GATB: variants seen among roughly 807,000 people sequenced by gnomAD.
GATB encodes glutamyl-tRNA amidotransferase subunit B.
A neutral mutation model predicts 62.3 loss-of-function variants in GATB; 39 were observed. The ratio of observed to expected loss-of-function variants is 0.63; its 90% CI spans 0.48 to 0.82. The LOEUF (loss-of-function observed/expected upper bound fraction) is 0.82. GATB is among the 40% of genes least tolerant of loss of function. GATB has a pLI of 0.00. For synonymous variants in GATB, 276 were observed against 258.9 expected, an observed-to-expected ratio of 1.07 and a Z score of -0.63; for missense variants, 670 against 684.0, an observed-to-expected ratio of 0.98 and a Z score of 0.23.
chr4:151,705,495 C>T (rs747599189), intron 6 of GATB, among the ~76,000 whole-genome samples: 7 of 152,180 alleles, frequency 4.6e-5, no homozygotes, highest in Non-Finnish European at 8.8e-5. Flanking sequence ...CGTGTTGAGA[C>T]AATTCAGGTT....
At chr4:151,741,426 T>C (rs1739482917) in intron 2 of GATB, among the ~76,000 whole-genome samples, 1 of 152,190 alleles carries the variant, frequency 6.6e-6, no homozygotes, top group African/African-American at 2.4e-5. Flanking sequence ...GGGCTTATTA[T>C]TTTGCTCCAT....
chr4:151,735,736 G>C (rs199692931), intron 2 of GATB, among the ~76,000 whole-genome samples: 1 of 104,064 alleles, frequency 9.6e-6, no homozygotes, highest in African/African-American at 4.3e-5. Flanking sequence ...AAACTGTGGT[G>C]TATATATATA....
intron 5 of GATB, among the ~76,000 whole-genome samples, 184 bp downstream of exon 5, chr4:151,715,825 A>G (rs909941935): frequency 6.6e-6 from 1 of 152,188 alleles, no homozygotes; most frequent in Admixed American, 6.5e-5. Context: ...AAAGAATCCA[A>G]GGAAAATTCT....
intron 2 of GATB, among the ~76,000 whole-genome samples, chr4:151,750,641 A>G (rs1052860835): frequency 6.6e-6 from 1 of 151,740 alleles, no homozygotes; most frequent in Non-Finnish European, 1.5e-5. Flanking sequence ...TTGCTGCTAC[A>G]TTATATTTTT....
At chr4:151,711,220 G>A (rs892364060) in intron 5 of GATB, among the ~76,000 whole-genome samples, 1 of 152,134 alleles carries the variant, frequency 6.6e-6, no homozygotes, top group Non-Finnish European at 1.5e-5. Flanking sequence ...TGGTCTCCTG[G>A]CTTCTACTCT....
At chr4:151,717,536 G>A (rs988395809) in intron 3 of GATB, among the ~76,000 whole-genome samples, 2 of 152,192 alleles carry the variant, frequency 1.3e-5, no homozygotes, top group African/African-American at 4.8e-5. Context: ...AACAGCAGTT[G>A]CTAGTGTGTG....
chr4:151,703,957 G>A (rs1553967531), intron 7 of GATB, 62 bp from the exon 8 acceptor site: 6 of 1,180,934 alleles, frequency 5.1e-6, no homozygotes, highest in Non-Finnish European at 7.5e-6. Context: ...CCTATATGTG[G>A]GGAAGGGCTC....
chr4:151,695,733 G>A (rs542571121), intron 9 of GATB, among the ~76,000 whole-genome samples: 6 of 152,102 alleles, frequency 3.9e-5, no homozygotes, highest in South Asian at 4.2e-4. Context: ...TCTGCCCTAC[G>A]TGGAGACACT....
At chr4:151,680,777 A>C (rs1738122802) in intron 10 of GATB, among the ~76,000 whole-genome samples, 2 of 152,194 alleles carry the variant, frequency 1.3e-5, no homozygotes, top group African/African-American at 4.8e-5. Context: ...CATTATACTT[A>C]CCAGTTTAGC....
chr4:151,745,022 G>A (rs537399269), intron 2 of GATB, among the ~76,000 whole-genome samples: 2 of 152,280 alleles, frequency 1.3e-5, no homozygotes, highest in South Asian at 4.2e-4. Context: ...AAAGCATGGA[G>A]GATAACTATA....
Position 151,708,042 on chromosome 4 carries a change from C to T in GATB, c.823G>A (p.Val275Ile), listed in dbSNP as rs201205798. ...TTGAGATTCTTCACTTCCGTTCGAA[C>T]GCCCAAAGGCTCCCCAGGGTGATGC... ...SVHHPGEPLG[V>I]RTEVKNLNSI... Residue 275 changes from valine (V) to isoleucine (I), a missense_variant, in exon 6 of 13, where the codon GTT becomes ATT. By Grantham distance (29) the Val-to-Ile change is conservative (BLOSUM62 3). Transcript: ENST00000263985. The T allele has an allele frequency of 3.9e-5, 63 of 1,614,152 alleles. 1 individual carries two copies. The highest frequency in any genetic ancestry group is 3.7e-4 in the African/African-American group (28 of 75,068).
intron 2 of GATB, among the ~76,000 whole-genome samples, chr4:151,750,860 C>T (rs1739708513): frequency 6.6e-6 from 1 of 151,540 alleles, no homozygotes; most frequent in South Asian, 2.1e-4. Context: ...TCTCCAACTC[C>T]TGGGCTCAAG....
At chr4:151,691,478 C>T (rs1324986110) in intron 9 of GATB, among the ~76,000 whole-genome samples, 2 of 152,160 alleles carry the variant, frequency 1.3e-5, no homozygotes, top group Admixed American at 1.3e-4. Flanking sequence ...GTGCTGGCTC[C>T]GCCTCTCAGA....
intron 2 of GATB, among the ~76,000 whole-genome samples, chr4:151,742,423 C>T (rs1739510946): frequency 6.6e-6 from 1 of 152,172 alleles, no homozygotes. Context: ...GCAAGGGGGC[C>T]AGAGAAAGGT....
intron 2 of GATB, among the ~76,000 whole-genome samples, chr4:151,746,182 GA>G (rs1739590527): frequency 1.3e-5 from 2 of 152,292 alleles, no homozygotes; most frequent in South Asian, 4.1e-4. Context: ...CATTTCCGAT[GA>G]CAAAAAGTGA....
At chr4:151,677,076 C>G (rs1738022871) in intron 11 of GATB, among the ~76,000 whole-genome samples, 1 of 152,146 alleles carries the variant, frequency 6.6e-6, no homozygotes, top group Non-Finnish European at 1.5e-5. Context: ...TCTTCCTTAT[C>G]CCCTGGTCAT....
At chr4:151,756,170 A>T (rs1739824730) in intron 2 of GATB, among the ~76,000 whole-genome samples, 1 of 152,226 alleles carries the variant, frequency 6.6e-6, no homozygotes, top group African/African-American at 2.4e-5. Flanking sequence ...AAGAGTTTCA[A>T]GTATCATCAT....
chr4:151,698,360 T>C (rs1289529241), intron 9 of GATB, among the ~76,000 whole-genome samples: 3 of 151,942 alleles, frequency 2.0e-5, no homozygotes, highest in African/African-American at 7.3e-5. Context: ...AATTCTGAAG[T>C]TTTTCGTCAT....
chr4:151,728,525 T>TA (rs1264383173), intron 2 of GATB, among the ~76,000 whole-genome samples: 1 of 152,132 alleles, frequency 6.6e-6, no homozygotes, highest in Non-Finnish European at 1.5e-5. Context: ...ATAACTTTTT[T>TA]AAAAAAAGTA....
Sources: gnomAD v4.1 joint callset for allele counts (sites outside exome capture counted in the v4.1 genomes callset) on GRCh38, gnomAD v4.1.1 for gene constraint, MANE v1.5 for transcripts, NCBI Gene and HGNC (gene_info 2026-07-23, HGNC 2026-07-21) for gene names.